The following COLEC10 variants were observed in gnomAD, a reference collection of about 807,000 sequenced individuals.
COLEC10 encodes collectin-10.
A neutral mutation model predicts 28.4 loss-of-function variants in COLEC10; 22 were observed. The observed-to-expected ratio is 0.78, with a 90% CI of 0.55 to 1.11. The LOEUF is 1.11. Among genes scored for constraint, COLEC10 ranks in the 50% least tolerant of loss-of-function variants. The pLI is 0.00. For synonymous variants in COLEC10, 125 were observed against 116.1 expected, an observed-to-expected ratio of 1.08 and a Z score of -0.49; for missense variants, 361 against 344.1, an observed-to-expected ratio of 1.05 and a Z score of -0.39.
chr8:119,023,724 T>G (rs1211187731), intron 2 of COLEC10, among the ~76,000 whole-genome samples: 1 of 152,210 alleles, frequency 6.6e-6, no homozygotes, highest in Non-Finnish European at 1.5e-5. Context: ...ATGTTTCAGC[T>G]AAAAACAACA....
At chr8:119,094,192 A>G (rs767373034) in intron 3 of COLEC10, among the ~76,000 whole-genome samples, 8 of 152,106 alleles carry the variant, frequency 5.3e-5, no homozygotes, top group Non-Finnish European at 8.8e-5. Context: ...AGCCCACGAA[A>G]TGTGTGGGCT....
intron 1 of COLEC10, among the ~76,000 whole-genome samples, chr8:119,073,203 A>T (rs1815159634): frequency 1.3e-5 from 2 of 152,228 alleles, no homozygotes; most frequent in Non-Finnish European, 2.9e-5. Flanking sequence ...GCAGGACTAG[A>T]ACTAGAAATC....
At chr8:119,056,597 G>A (rs1362523359) in intron 2 of COLEC10, among the ~76,000 whole-genome samples, 3 of 151,912 alleles carry the variant, frequency 2.0e-5, no homozygotes, top group Non-Finnish European at 4.4e-5. Flanking sequence ...ACTATGTCAT[G>A]ATTATCTGTG....
chr8:118,979,189 AT>A, the COLEC10 span, among the ~76,000 whole-genome samples: 2 of 151,846 alleles, frequency 1.3e-5, no homozygotes, highest in Non-Finnish European at 2.9e-5. Flanking sequence ...ATCATTTGAT[AT>A]TTTTTCCAAA....
chr8:118,988,135 T>G, the COLEC10 span, among the ~76,000 whole-genome samples: 94 of 152,200 alleles, frequency 6.2e-4, 1 homozygote, highest in Non-Finnish European at 2.8e-4. Flanking sequence ...ATTTGATAAG[T>G]TGTTGAAGGC....
intron 1 of COLEC10, among the ~76,000 whole-genome samples, chr8:119,008,973 T>C (rs1277287920): frequency 1.3e-5 from 2 of 150,848 alleles, no homozygotes; most frequent in African/African-American, 5.0e-5. Flanking sequence ...ATTAGCAAAT[T>C]CATTTAATAC....
intron 2 of COLEC10, among the ~76,000 whole-genome samples, chr8:119,050,127 A>C (rs1400528566): frequency 6.6e-6 from 1 of 152,214 alleles, no homozygotes; most frequent in African/African-American, 2.4e-5. Context: ...CATGTAAAGT[A>C]CTTGCAACAT....
intron 2 of COLEC10, among the ~76,000 whole-genome samples, chr8:119,039,063 G>A (rs946122356): frequency 6.6e-6 from 1 of 152,070 alleles, no homozygotes; most frequent in Non-Finnish European, 1.5e-5. Context: ...TCTGTAGCAT[G>A]AATCCCCCTG....
intron 2 of COLEC10, among the ~76,000 whole-genome samples, chr8:119,051,157 A>G (rs986646077): frequency 2.0e-5 from 3 of 152,226 alleles, no homozygotes; most frequent in Non-Finnish European, 4.4e-5. Context: ...TTGTGTAATA[A>G]AATAAAATTT....
intron 1 of COLEC10, among the ~76,000 whole-genome samples, chr8:119,073,939 TACATATATAC>T (rs1203794611): frequency 1.0e-4 from 8 of 77,008 alleles, no homozygotes; most frequent in East Asian, 7.1e-4. Flanking sequence ...ATATAAAACG[TACATATATAC>T]ACATATATAC....
At chr8:119,050,738 T>G (rs1814660459) in intron 2 of COLEC10, among the ~76,000 whole-genome samples, 1 of 152,208 alleles carries the variant, frequency 6.6e-6, no homozygotes, top group Non-Finnish European at 1.5e-5. Context: ...AGTCTGCCAC[T>G]GTGGAAATAT....
intron 1 of COLEC10, among the ~76,000 whole-genome samples, chr8:119,083,939 G>A (rs760701615): frequency 1.3e-5 from 2 of 152,092 alleles, no homozygotes; most frequent in Non-Finnish European, 2.9e-5. Flanking sequence ...TCAGAGCAAC[G>A]TTGCCAGGGT....
At chr8:119,087,938 T>A (rs1171773313) in intron 1 of COLEC10, among the ~76,000 whole-genome samples, 1 of 152,198 alleles carries the variant, frequency 6.6e-6, no homozygotes, top group African/African-American at 2.4e-5. Context: ...ATTGCTATGA[T>A]GACTAGATGT....
intron 3 of COLEC10, among the ~76,000 whole-genome samples, chr8:119,098,690 C>G (rs1815766390): frequency 3.9e-5 from 6 of 152,032 alleles, no homozygotes. Flanking sequence ...TTATTTCTTA[C>G]AACTTGTTTC....
chr8:119,036,148 G>A (rs867775145), intron 2 of COLEC10, among the ~76,000 whole-genome samples: 109 of 152,220 alleles, frequency 7.2e-4, no homozygotes, highest in African/African-American at 2.6e-3. Context: ...TCTTTCTCTA[G>A]CATCTCTCCC....
At chr8:119,063,740 AAAAG>A (rs1422903608), upstream of COLEC10, among the ~76,000 whole-genome samples, 7 of 151,996 alleles carry the variant, frequency 4.6e-5, no homozygotes, top group African/African-American at 1.4e-4. Context: ...ACAAAAAAAA[AAAAG>A]AAAAGAGTAG....
intron 2 of COLEC10, among the ~76,000 whole-genome samples, chr8:119,021,335 C>T (rs1385994971): frequency 1.3e-5 from 2 of 152,178 alleles, no homozygotes; most frequent in African/African-American, 4.8e-5. Context: ...TGTAGCACTG[C>T]AGACTTCATA....
the COLEC10 span, among the ~76,000 whole-genome samples, chr8:118,956,744 T>TC: frequency 6.6e-6 from 1 of 152,182 alleles, no homozygotes; most frequent in Non-Finnish European, 1.5e-5. Context: ...GGTTTTCTCC[T>TC]CAAAAATTAT....
chr8:119,050,078 A>G (rs1814651019), intron 2 of COLEC10, among the ~76,000 whole-genome samples: 1 of 152,196 alleles, frequency 6.6e-6, no homozygotes, highest in Non-Finnish European at 1.5e-5. Flanking sequence ...CCTGGTAATA[A>G]TAGTCCCTAC....
Sources: allele counts gnomAD v4.1 joint callset (sites outside exome capture counted in the v4.1 genomes callset), GRCh38; gene constraint gnomAD v4.1.1; transcripts MANE v1.5; gene names NCBI Gene and HGNC (gene_info 2026-07-23, HGNC 2026-07-21).